GBE1: variants seen among roughly 807,000 people sequenced by gnomAD.
GBE1 encodes 1,4-alpha-glucan branching enzyme 1.
A neutral mutation model predicts 88.8 loss-of-function variants in GBE1; 70 were observed. The observed-to-expected ratio is 0.79, with a 90% CI of 0.65 to 0.96. GBE1 has a LOEUF of 0.96. Ranked by LOEUF, GBE1 falls within the 40% of genes least tolerant of loss-of-function variation. The probability of loss-of-function intolerance (pLI) is 0.00; values close to 1 mark genes in which losing one functional copy is unlikely to be tolerated. For synonymous variants in GBE1, 284 were observed against 300.1 expected, an observed-to-expected ratio of 0.95 and a Z score of 0.56; for missense variants, 872 against 871.0, an observed-to-expected ratio of 1.00 and a Z score of -0.01.
At chr3:81,679,651 T>C (rs1198819103) in intron 2 of GBE1, among the ~76,000 whole-genome samples, 1 of 152,230 alleles carries the variant, frequency 6.6e-6, no homozygotes, top group East Asian at 1.9e-4. Flanking sequence ...ACAGTTTTCA[T>C]TTCTTTTCAA....
chr3:81,637,434 AT>A (rs1265450459), intron 7 of GBE1, among the ~76,000 whole-genome samples: 1 of 152,164 alleles, frequency 6.6e-6, no homozygotes, highest in Non-Finnish European at 1.5e-5. Context: ...GAAAGGAGTG[AT>A]TTTTTTAAGT....
intron 6 of GBE1, among the ~76,000 whole-genome samples, 161 bp from the exon 7 acceptor site, chr3:81,643,151 T>C (rs1704714711): frequency 1.3e-5 from 2 of 152,120 alleles, no homozygotes; most frequent in African/African-American, 4.8e-5. Context: ...TAATATCAAA[T>C]ATTAAGCAAA....
intron 14 of GBE1, among the ~76,000 whole-genome samples, chr3:81,500,852 T>G (rs959102593): frequency 6.6e-6 from 1 of 152,220 alleles, no homozygotes; most frequent in South Asian, 2.1e-4. Context: ...TTCCCTTCTT[T>G]GTGTCCATGT....
intron 3 of GBE1, among the ~76,000 whole-genome samples, chr3:81,658,677 C>T (rs914319334): frequency 2.6e-5 from 4 of 152,006 alleles, no homozygotes; most frequent in Admixed American, 6.6e-5. Flanking sequence ...GCTTTTCTAC[C>T]GAGGCAAATC....
chr3:81,531,953 T>C (rs1324104097), intron 14 of GBE1, among the ~76,000 whole-genome samples: 1 of 151,872 alleles, frequency 6.6e-6, no homozygotes, highest in East Asian at 2.0e-4. Flanking sequence ...TCTTTGCGGG[T>C]GCTGGCTGAA....
At chr3:81,612,622 T>C in intron 7 of GBE1, 1 of 596,920 alleles carries the variant, frequency 1.7e-6, no homozygotes. Context: ...GAAAAAGTGG[T>C]TGGCGGAGTT....
At chr3:81,567,036 C>G (rs909168394) in intron 12 of GBE1, among the ~76,000 whole-genome samples, 13 of 152,132 alleles carry the variant, frequency 8.5e-5, no homozygotes, top group Non-Finnish European at 1.6e-4. Context: ...AGACAAACAC[C>G]TCAAAAGAGC....
intron 2 of GBE1, among the ~76,000 whole-genome samples, chr3:81,702,937 T>C (rs1705721657): frequency 6.6e-6 from 1 of 152,038 alleles, no homozygotes; most frequent in Non-Finnish European, 1.5e-5. Context: ...AGTTTTCATA[T>C]AGTCCCTTTC....
intron 12 of GBE1, among the ~76,000 whole-genome samples, chr3:81,551,322 G>A (rs1302158795): frequency 6.6e-6 from 1 of 152,156 alleles, no homozygotes; most frequent in Non-Finnish European, 1.5e-5. Flanking sequence ...TCCTTAACAT[G>A]ATGGGGGGTG....
At chr3:81,544,430 C>T (rs1015865057) in intron 12 of GBE1, among the ~76,000 whole-genome samples, 1 of 152,024 alleles carries the variant, frequency 6.6e-6, no homozygotes, top group African/African-American at 2.4e-5. Flanking sequence ...TTCCTCGATT[C>T]AAAATGAAGA....
At chr3:81,633,114 T>C (rs1369513526) in intron 7 of GBE1, among the ~76,000 whole-genome samples, 4 of 152,164 alleles carry the variant, frequency 2.6e-5, no homozygotes, top group Non-Finnish European at 4.4e-5. Context: ...TTATGGCACA[T>C]GGTTTGGCTC....
chr3:81,519,222 G>C (rs1702839936), intron 14 of GBE1, among the ~76,000 whole-genome samples: 1 of 151,576 alleles, frequency 6.6e-6, no homozygotes, highest in South Asian at 2.1e-4. Context: ...TGTACAGGTT[G>C]CAAATGTCAG....
At chr3:81,749,823 A>T (rs1706471045) in intron 1 of GBE1, among the ~76,000 whole-genome samples, 1 of 152,190 alleles carries the variant, frequency 6.6e-6, no homozygotes, top group Admixed American at 6.5e-5. Context: ...AACACAATTT[A>T]CAATTGTCTA....
chr3:81,651,576 C>T lies in GBE1; in HGVS notation c.430-1655G>A, dbSNP rs1041199009. Among the ~76,000 whole-genome samples, 7 of 151,826 alleles carry T rather than the reference C, an allele frequency of 4.6e-5. No homozygotes were observed. In the South Asian group the frequency reaches 1.2e-3, roughly 27 times the overall value. On this transcript the variant is annotated intron_variant, in intron 3 of 15. Coordinates refer to ENST00000429644, the MANE Select transcript of GBE1 (RefSeq NM_000158.4). Reference sequence around the variant, plus strand: ...AACTATTTTAAGCTTAAAAAAAAAACTCCCTTAAGCTACATGAATTTGTAG... The same window carrying T: ...AACTATTTTAAGCTTAAAAAAAAAATTCCCTTAAGCTACATGAATTTGTAG...
intron 6 of GBE1, among the ~76,000 whole-genome samples, chr3:81,644,023 G>A (rs1213333463): frequency 6.6e-6 from 1 of 151,642 alleles, no homozygotes; most frequent in African/African-American, 2.4e-5. Context: ...CATTGAACAT[G>A]TTCAATAATA....
At chr3:81,660,571 C>T (rs1211602797) in intron 3 of GBE1, among the ~76,000 whole-genome samples, 2 of 152,012 alleles carry the variant, frequency 1.3e-5, no homozygotes, top group African/African-American at 4.8e-5. Flanking sequence ...TAAGATGAGA[C>T]GCAGTGACCT....
At chr3:81,587,055 G>T (rs1484320312) in intron 9 of GBE1, among the ~76,000 whole-genome samples, 5 of 151,958 alleles carry the variant, frequency 3.3e-5, no homozygotes, top group African/African-American at 1.2e-4. Flanking sequence ...TCCCATCTCG[G>T]CCTCCCAAAG....
chr3:81,645,583 G>A (rs1704751480), intron 6 of GBE1, among the ~76,000 whole-genome samples: 1 of 152,074 alleles, frequency 6.6e-6, no homozygotes, highest in South Asian at 2.1e-4. Context: ...ACTTATTGAG[G>A]GAGAACTAAT....
chr3:81,549,105 C>T (rs1004890559), intron 12 of GBE1, among the ~76,000 whole-genome samples: 27 of 143,752 alleles, frequency 1.9e-4, no homozygotes, highest in African/African-American at 6.1e-4. Context: ...ATCTCACTTA[C>T]TGCAACCTCC....
Sources: allele counts gnomAD v4.1 joint callset (sites outside exome capture counted in the v4.1 genomes callset), GRCh38; gene constraint gnomAD v4.1.1; transcripts MANE v1.5; gene names NCBI Gene and HGNC (gene_info 2026-07-23, HGNC 2026-07-21).